Variants in GPC5 observed in about 807,000 individuals in gnomAD.
GPC5 encodes glypican 5, also known as glypican-5.
Under a neutral mutation model 53.9 loss-of-function variants are expected in GPC5, and 47 were observed. The ratio of observed to expected loss-of-function variants is 0.87; its 90% CI spans 0.69 to 1.11. The LOEUF is 1.11. GPC5 is among the 50% of genes most tolerant of loss of function. The pLI is 0.00. For missense variants in GPC5, 748 were observed against 713.1 expected, an observed-to-expected ratio of 1.05 and a Z score of -0.56; for synonymous variants, 286 against 263.3, an observed-to-expected ratio of 1.09 and a Z score of -0.84.
At chr13:92,225,785 G>A (rs772441088) in intron 7 of GPC5, among the ~76,000 whole-genome samples, 5 of 151,780 alleles carry the variant, frequency 3.3e-5, no homozygotes, top group East Asian at 1.9e-4. Context: ...TTTTTCAAAG[G>A]CCCAGTTTTA....
intron 7 of GPC5, among the ~76,000 whole-genome samples, chr13:92,853,318 G>A (rs571031195): frequency 1.3e-5 from 2 of 152,192 alleles, no homozygotes; most frequent in South Asian, 4.1e-4. Flanking sequence ...ACATGACACA[G>A]ATGGTGATAA....
chr13:91,488,664 G>A (rs499769), intron 2 of GPC5, among the ~76,000 whole-genome samples: 62,282 of 151,882 alleles, frequency 0.41, 14,379 homozygotes, highest in Non-Finnish European at 0.52. Flanking sequence ...TGTCATCTTC[G>A]TAAGCTGAGG....
chr13:92,428,710 T>C (rs556173041), intron 7 of GPC5, among the ~76,000 whole-genome samples: 3 of 152,278 alleles, frequency 2.0e-5, no homozygotes, highest in East Asian at 3.9e-4. Context: ...GGAAAATTCA[T>C]GCACAAGGCC....
chr13:92,830,077 A>G (rs528403591), intron 7 of GPC5, among the ~76,000 whole-genome samples: 30 of 152,212 alleles, frequency 2.0e-4, no homozygotes, highest in African/African-American at 6.5e-4. Flanking sequence ...ATGACCTCAT[A>G]ACTACCAGAG....
intron 7 of GPC5, among the ~76,000 whole-genome samples, chr13:92,528,888 T>C (rs1363414547): frequency 6.6e-6 from 1 of 152,024 alleles, no homozygotes; most frequent in Non-Finnish European, 1.5e-5. Context: ...TAGGCACTTA[T>C]TAATGATCAT....
intron 6 of GPC5, among the ~76,000 whole-genome samples, chr13:92,056,966 G>T (rs1015545135): frequency 1.6e-4 from 24 of 152,204 alleles, no homozygotes; most frequent in African/African-American, 5.5e-4. Context: ...ACCCTGTAAA[G>T]ACCTCTTACT....
intron 7 of GPC5, among the ~76,000 whole-genome samples, chr13:92,621,487 G>A (rs557396977): frequency 6.6e-6 from 1 of 152,166 alleles, no homozygotes; most frequent in East Asian, 1.9e-4. Flanking sequence ...CTGAACTTTT[G>A]CCCAGACTTC....
intron 7 of GPC5, among the ~76,000 whole-genome samples, chr13:92,320,660 C>T (rs2043209707): frequency 1.3e-5 from 2 of 152,044 alleles, no homozygotes; most frequent in South Asian, 2.1e-4. Context: ...ATACTTTTGT[C>T]TAAAGTCTCT....
At chr13:91,657,063 C>A (rs1019428244) in intron 2 of GPC5, among the ~76,000 whole-genome samples, 2 of 152,136 alleles carry the variant, frequency 1.3e-5, no homozygotes, top group Non-Finnish European at 2.9e-5. Flanking sequence ...TGTACTCCTC[C>A]TGCAGGTGCT....
intron 7 of GPC5, among the ~76,000 whole-genome samples, chr13:92,595,109 T>C (rs750568366): frequency 1.3e-5 from 2 of 152,192 alleles, no homozygotes; most frequent in Non-Finnish European, 1.5e-5. Flanking sequence ...CCAGATGCTT[T>C]ACCATATTTT....
At chr13:91,675,585 T>C (rs773783041) in intron 2 of GPC5, among the ~76,000 whole-genome samples, 1 of 152,220 alleles carries the variant, frequency 6.6e-6, no homozygotes, top group Non-Finnish European at 1.5e-5. Flanking sequence ...ATATGTGTAT[T>C]ACCTACAAAG....
intron 2 of GPC5, among the ~76,000 whole-genome samples, chr13:91,645,261 G>A (rs2034531052): frequency 6.6e-6 from 1 of 152,130 alleles, no homozygotes; most frequent in African/African-American, 2.4e-5. Context: ...TTTGACCTCA[G>A]TATTTTTTAT....
chr13:92,594,605 C>T lies in GPC5; in HGVS notation c.1562-271677C>T, dbSNP rs138834721. 1.0e-3 allele frequency among the ~76,000 whole-genome samples: 156 copies of T among 152,290 alleles called. 1 individual carries two copies. Among genetic ancestry groups the T allele is most frequent in the Middle Eastern group, 6.8e-3 (2 of 294 alleles). On this transcript the variant is annotated intron_variant, in intron 7 of 7. Transcript: ENST00000377067. ...ATTTCCTCTTCTACATCTTTGCTAA[C>T]CCTCTCGTCGTTGACACCATCCAAT... is the stretch of plus-strand genomic sequence containing the variant.
chr13:92,679,159 C>G (rs556955079), intron 7 of GPC5, among the ~76,000 whole-genome samples: 2 of 152,220 alleles, frequency 1.3e-5, no homozygotes, highest in Admixed American at 1.3e-4. Context: ...AGCCATGAGA[C>G]TGGACAGGGT....
At chr13:92,115,103 A>C (rs2041589810) in intron 6 of GPC5, among the ~76,000 whole-genome samples, 1 of 152,248 alleles carries the variant, frequency 6.6e-6, no homozygotes, top group Admixed American at 6.5e-5. Context: ...AGCCCATTAG[A>C]AGTGTTTGAA....
chr13:92,742,162 T>C (rs1306821747), intron 7 of GPC5, among the ~76,000 whole-genome samples: 2 of 151,414 alleles, frequency 1.3e-5, no homozygotes, highest in Non-Finnish European at 2.9e-5. Context: ...ATCGCCACAC[T>C]GACTTCCACA....
chr13:91,762,094 G>A (rs1276996334), intron 5 of GPC5, among the ~76,000 whole-genome samples: 1 of 152,176 alleles, frequency 6.6e-6, no homozygotes, highest in Non-Finnish European at 1.5e-5. Context: ...TCTTGATTAA[G>A]TTAATGTTCT....
intron 6 of GPC5, among the ~76,000 whole-genome samples, chr13:92,020,034 C>A (rs935834155): frequency 1.1e-4 from 16 of 152,168 alleles, no homozygotes; most frequent in African/African-American, 3.9e-4. Flanking sequence ...GAATTCATTT[C>A]TTTGCCTTTT....
intron 7 of GPC5, chr13:92,448,835 G>A (rs1299292490): frequency 1.5e-5 from 2 of 137,400 alleles, no homozygotes; most frequent in African/African-American, 5.4e-5. Context: ...CTTTGTTATG[G>A]AACTTTGAGA....
Sources: allele counts gnomAD v4.1 joint callset (sites outside exome capture counted in the v4.1 genomes callset), GRCh38; gene constraint gnomAD v4.1.1; transcripts MANE v1.5; gene names NCBI Gene and HGNC (gene_info 2026-07-23, HGNC 2026-07-21).